The following MAMDC2 variants were observed in gnomAD, a reference collection of about 807,000 sequenced individuals.
MAMDC2 encodes the protein MAM domain containing 2.
A neutral mutation model predicts 89.8 loss-of-function variants in MAMDC2; 57 were observed. The observed-to-expected ratio is 0.63, with a 90% CI of 0.51 to 0.79. The LOEUF (loss-of-function observed/expected upper bound fraction) is 0.79. Ranked by LOEUF, MAMDC2 falls within the 30% of genes least tolerant of loss-of-function variation. The pLI is 0.00. For synonymous variants in MAMDC2, 313 were observed against 293.4 expected (o/e 1.07, Z -0.68); for missense variants, 800 against 820.6 (o/e 0.97, Z 0.31).
At chr9:70,155,051 A>C (rs189415040) in intron 9 of MAMDC2, among the ~76,000 whole-genome samples, 56 of 152,102 alleles carry the variant, frequency 3.7e-4, no homozygotes, top group Admixed American at 1.6e-3. Flanking sequence ...CCCCACCTGC[A>C]GGTCTTCCTG....
At chr9:70,102,176 T>C (rs925306529) in intron 2 of MAMDC2, among the ~76,000 whole-genome samples, 1 of 152,244 alleles carries the variant, frequency 6.6e-6, no homozygotes, top group East Asian at 1.9e-4. Context: ...TGAATGTATA[T>C]GTAAAGTGGC....
chr9:70,187,606 C>T (rs527719028), intron 11 of MAMDC2, among the ~76,000 whole-genome samples: 1 of 152,182 alleles, frequency 6.6e-6, no homozygotes, highest in South Asian at 2.1e-4. Flanking sequence ...AGTAGTCACT[C>T]CCATTCCCTT....
In MAMDC2 at chr9:70,226,637, T is replaced by G. The variant is rs2033643250; in HGVS notation, c.*605T>G. ...ATGTCCAAGGGTAAGTCAGTATTAATTAATGCTGTATTACAAGGCAATGCT... is the reference window on the plus strand; with the variant it reads ...ATGTCCAAGGGTAAGTCAGTATTAAGTAATGCTGTATTACAAGGCAATGCT... On this transcript the variant is annotated 3_prime_UTR_variant, in exon 14 of 14. Transcript: ENST00000377182. The G allele has an allele frequency of 1.3e-5, 2 of 152,520 alleles. No homozygotes were observed. The highest frequency in any genetic ancestry group is 2.9e-5 in the Non-Finnish European group (2 of 67,946). 9.4% of individuals were successfully genotyped at this position (152,520 alleles called of 1,614,324 possible).
chr9:70,140,423 CT>C, intron 8 of MAMDC2, 135 bp downstream of exon 8: 1 of 908,730 alleles, frequency 1.1e-6, no homozygotes, highest in South Asian at 1.9e-5. Flanking sequence ...AATCAGTAGT[CT>C]TGTGTTTGAC....
Position 70,164,234 on chromosome 9 carries a change from T to C in MAMDC2, c.1405-4468T>C, listed in dbSNP as rs191567405. 2.8e-4 allele frequency among the ~76,000 whole-genome samples: 43 copies of C among 152,276 alleles called. No individual in the cohort carries two copies. The East Asian group carries it at 6.4e-3, about 23-fold the overall frequency. On this transcript the variant is annotated intron_variant, in intron 9 of 13. Coordinates refer to ENST00000377182, the MANE Select transcript of MAMDC2 (RefSeq NM_153267.5). ...CAGGGCAGTCCTCCATAACAAAGAA[T>C]TATCTGGCCCAAAACGTCAGTAGTG... is the stretch of plus-strand genomic sequence containing the variant.
intron 12 of MAMDC2, among the ~76,000 whole-genome samples, chr9:70,220,926 T>C (rs1416840309): frequency 6.6e-6 from 1 of 152,172 alleles, no homozygotes; most frequent in Non-Finnish European, 1.5e-5. Context: ...TTATAAACTT[T>C]AAAGTATCAA....
intron 9 of MAMDC2, among the ~76,000 whole-genome samples, chr9:70,151,515 GAATAA>G (rs1213810903): frequency 3.9e-5 from 6 of 152,302 alleles, no homozygotes; most frequent in African/African-American, 1.4e-4. Flanking sequence ...GTCAATGAAT[GAATAA>G]AAGAATGAGT....
rs545913384 is a variant in MAMDC2, at chr9:70,217,283, A to G, written c.1652-1054A>G. On this transcript the variant is annotated intron_variant, in intron 11 of 13. Coordinates refer to ENST00000377182, the MANE Select transcript of MAMDC2 (RefSeq NM_153267.5). ...GCCAGGACCGACGGGAAGGTTTTCG[A>G]GTTTCTTAATGCGAAATGCGAGTCG... is the stretch of plus-strand genomic sequence containing the variant. 173 of 1,258,716 alleles carry G rather than the reference A, an allele frequency of 1.4e-4. 3 individuals are homozygous for G. In the East Asian group the frequency reaches 4.0e-3, roughly 29 times the overall value. The allele number at this position is 1,258,716 out of a possible 1,614,324, so 78.0% of individuals were successfully genotyped here.
At chr9:70,182,622 G>C (rs907020057) in intron 11 of MAMDC2, among the ~76,000 whole-genome samples, 1 of 152,134 alleles carries the variant, frequency 6.6e-6, no homozygotes, top group Non-Finnish European at 1.5e-5. Context: ...ATTTCTTCTA[G>C]ATTTTCTAGT....
chr9:70,130,707 G>T (rs1282966017), intron 6 of MAMDC2, among the ~76,000 whole-genome samples: 1 of 152,084 alleles, frequency 6.6e-6, no homozygotes, highest in Admixed American at 6.6e-5. Context: ...CCTTGATGTA[G>T]AGTTCATATA....
In MAMDC2 at chr9:70,140,212, TAAA is replaced by T. The variant is rs61609258; in HGVS notation, c.1063_1065del (p.Lys355del). 0.083 allele frequency: 132,483 copies of T among 1,598,634 alleles called. 7,174 individuals carry two copies. The highest frequency in any genetic ancestry group is 0.26 in the East Asian group (11,365 of 43,948). ...AAGATCTCTGCAACTTTTACCAAGA[TAAA>T]GAAGGTCCAGGTTGGACCCGAGTGA... On this transcript the variant is annotated inframe_deletion, in exon 8 of 14. Transcript: ENST00000377182.
chr9:70,204,955 T>G (rs1016145069), intron 11 of MAMDC2, among the ~76,000 whole-genome samples: 1 of 152,238 alleles, frequency 6.6e-6, no homozygotes, highest in African/African-American at 2.4e-5. Context: ...CCCCACTGTC[T>G]GGCACTCCCT....
chr9:70,209,789 T>C (rs2033311872), intron 11 of MAMDC2, among the ~76,000 whole-genome samples: 1 of 152,242 alleles, frequency 6.6e-6, no homozygotes, highest in Middle Eastern at 3.2e-3. Flanking sequence ...TAAATTTCCC[T>C]CTACACACTG....
In MAMDC2 at chr9:70,218,381, A is replaced by G. The variant is rs757633807; in HGVS notation, c.1696A>G (p.Lys566Glu). 3 of 1,614,172 alleles carry G rather than the reference A, an allele frequency of 1.9e-6. No individual in the cohort carries two copies. The Admixed American group carries it at 5.0e-5, about 27-fold the overall frequency. ...GGCCTCCCATATGGTGTATGGACAA[A>G]AAGCACGCCTCTTGTCCAGGCCTCT... Reference protein sequence around the residue: ...IEASHMVYGQKARLLSRPLRG... With the variant: ...IEASHMVYGQEARLLSRPLRG... Residue 566 changes from lysine to glutamate, a missense_variant, in exon 12 of 14, where the codon AAA becomes GAA. Coordinates refer to ENST00000377182, the MANE Select transcript of MAMDC2 (RefSeq NM_153267.5).
At chr9:70,135,768 G>A (rs2030979666) in intron 7 of MAMDC2, among the ~76,000 whole-genome samples, 1 of 151,972 alleles carries the variant, frequency 6.6e-6, no homozygotes, top group African/African-American at 2.4e-5. Context: ...GTTCACTCGT[G>A]GTATTGTATA....
chr9:70,209,729 G>A (rs2033310812), intron 11 of MAMDC2, among the ~76,000 whole-genome samples: 1 of 151,914 alleles, frequency 6.6e-6, no homozygotes, highest in Admixed American at 6.6e-5. Flanking sequence ...GTGATGTTAG[G>A]GTGTCAATTT....
intron 11 of MAMDC2, among the ~76,000 whole-genome samples, chr9:70,190,623 G>A (rs2032858658): frequency 6.6e-6 from 1 of 151,080 alleles, no homozygotes. Context: ...CAGATTTCCA[G>A]AAATATGTTA....
At chr9:70,102,353 C>G (rs1031657996) in intron 2 of MAMDC2, among the ~76,000 whole-genome samples, 1 of 152,134 alleles carries the variant, frequency 6.6e-6, no homozygotes, top group African/African-American at 2.4e-5. Flanking sequence ...ACGGGGCATT[C>G]GGCATTCATT....
chr9:70,109,699 T>C (rs1202142340), intron 3 of MAMDC2, 21 bp from the exon 4 acceptor site: 2 of 1,587,808 alleles, frequency 1.3e-6, no homozygotes, highest in Non-Finnish European at 1.7e-6. Flanking sequence ...TAACTCCCCT[T>C]CTTCCCCATA....
Sources: gnomAD v4.1 joint callset for allele counts (sites outside exome capture counted in the v4.1 genomes callset) on GRCh38, gnomAD v4.1.1 for gene constraint, MANE v1.5 for transcripts, NCBI Gene and HGNC (gene_info 2026-07-23, HGNC 2026-07-21) for gene names.